The following COMMD5 variants were observed in gnomAD, a reference collection of about 807,000 sequenced individuals.
The protein encoded by COMMD5 is COMM domain containing 5.
Under a neutral mutation model 6.9 loss-of-function variants are expected in COMMD5, and 10 were observed. That is an observed-to-expected ratio of 1.44 (90% confidence interval 0.89 to 2.45). The LOEUF (loss-of-function observed/expected upper bound fraction) is 2.45, where lower values mean the gene tolerates loss of function less well. Among genes scored for constraint, COMMD5 ranks in the 30% most tolerant of loss-of-function variants. The pLI is 0.00. For missense variants in COMMD5, 234 were observed against 287.8 expected (o/e 0.81, Z 1.35); for synonymous variants, 127 against 125.3 (o/e 1.01, Z -0.09).
chr8:144,842,088 C>T, intron 1 of COMMD5: 8 of 1,614,120 alleles, frequency 5.0e-6, no homozygotes, highest in Non-Finnish European at 6.8e-6. Flanking sequence ...ATCAGAGAAT[C>T]CACACAGGAG....
chr8:144,844,726 A>C (rs537154188), intron 1 of COMMD5, among the ~76,000 whole-genome samples: 14 of 60,812 alleles, frequency 2.3e-4, no homozygotes, highest in African/African-American at 5.7e-4. Context: ...AAAAAAAAAA[A>C]AAAAAAAAAA....
At chr8:144,841,801 T>C in intron 1 of COMMD5, 2 of 1,614,106 alleles carry the variant, frequency 1.2e-6, no homozygotes, top group Non-Finnish European at 1.7e-6. Flanking sequence ...CCAAAAAAAG[T>C]TATCTGACTG....
At chr8:144,844,738 G>GAAAAAAAAAAAAAAAAAAA (rs1830413347) in intron 1 of COMMD5, among the ~76,000 whole-genome samples, 1 of 125,096 alleles carries the variant, frequency 8.0e-6, no homozygotes. Context: ...AAAAAAAAAC[G>GAAAAAAAAAAAAAAAAAAA]AAAATGGGAT....
rs529555960 is a variant in COMMD5, at chr8:144,843,412, C to T, written c.*117-1669G>A. On this transcript the variant is annotated intron_variant and NMD_transcript_variant, in intron 1 of 1. Transcript: ENST00000530332. ...AGACCATCCTGGGTAACAGGTGAAACCCCATCTCTACTAAAAATACAAAAA... is the reference window on the plus strand; with the variant it reads ...AGACCATCCTGGGTAACAGGTGAAATCCCATCTCTACTAAAAATACAAAAA... 4 of 386,092 alleles carry T rather than the reference C, an allele frequency of 1.0e-5. No homozygotes were observed. The Admixed American group carries it at 1.3e-4, about 12-fold the overall frequency. 23.9% of individuals were successfully genotyped at this position (386,092 alleles called of 1,614,324 possible).
Position 144,850,841 on chromosome 8 carries a change from A to G in COMMD5, c.498T>C (p.Ser166=). 6.2e-7 allele frequency: 1 copy of G among 1,613,774 alleles called. No homozygotes were observed. The highest frequency in any genetic ancestry group is 8.5e-7 in the Non-Finnish European group (1 of 1,179,996). ...TCGGCTGCAGGGAGCGAGCCAGGGC[A>G]CTGGTGGAGATTGCTACATCCACCC... The part of the protein sequence containing the change: ...RWRVDVAIST[S]ALARSLQPSV... The change falls in exon 2 of 2, where the codon AGT becomes AGC. Residue 166 remains serine, a synonymous_variant. Coordinates refer to ENST00000305103, the MANE Select transcript of COMMD5 (RefSeq NM_014066.4). This position sits in a 1 kb window ranked among gnomAD's most constrained non-coding sequence, Gnocchi z 4.0.
chr8:144,852,667 G>T (rs1830800351), intron 1 of COMMD5, 172 bp downstream of exon 1: 2 of 152,286 alleles, frequency 1.3e-5, no homozygotes, highest in Non-Finnish European at 2.9e-5. Flanking sequence ...GAAGGCCTCC[G>T]AGCTGCCCGC....
downstream of COMMD5, chr8:144,846,347 C>G: frequency 1.5e-6 from 1 of 651,132 alleles, no homozygotes; most frequent in Non-Finnish European, 2.5e-6. Context: ...TTTTACATTT[C>G]TGAATGGTTG....
chr8:144,842,908 A>G (rs777900708), intron 1 of COMMD5: 1 of 1,614,188 alleles, frequency 6.2e-7, no homozygotes, highest in East Asian at 2.2e-5. Context: ...TGAACACCAG[A>G]GAATACACAC....
chr8:144,841,510 C>T (rs1829905719), exon 2 of COMMD5: 1 of 1,614,194 alleles, frequency 6.2e-7, no homozygotes, highest in African/African-American at 1.3e-5. Context: ...GTTAGACAGT[C>T]ATCTGGGCAG....
intron 1 of COMMD5, chr8:144,842,711 GTAT>G: frequency 1.2e-6 from 2 of 1,614,168 alleles, no homozygotes; most frequent in Non-Finnish European, 1.7e-6. Context: ...AAAGCCTTCA[GTAT>G]GAGCACACAG....
exon 2 of COMMD5, chr8:144,841,740 C>T (rs35883359): frequency 0.024 from 38,313 of 1,614,076 alleles, 755 homozygotes; most frequent in Admixed American, 0.088. Context: ...CTTCAGATAT[C>T]GCTCTGCATT....
chr8:144,838,181 C>G, downstream of COMMD5: 1 of 702,140 alleles, frequency 1.4e-6, no homozygotes, highest in Non-Finnish European at 2.6e-6. Flanking sequence ...GACTCCTTCA[C>G]ACGGCTGCCT....
exon 2 of COMMD5, chr8:144,841,302 T>C (rs933498128): frequency 2.0e-6 from 3 of 1,529,572 alleles, no homozygotes; most frequent in African/African-American, 1.4e-5. Flanking sequence ...TGTAGTCTTA[T>C]CATTTCTCTG....
At chr8:144,846,298 C>A, downstream of COMMD5, 1 of 1,043,500 alleles carries the variant, frequency 9.6e-7, no homozygotes, top group Non-Finnish European at 1.4e-6. Context: ...TCTGGATTGA[C>A]ATGGTCCTAA....
chr8:144,846,132 A>G, downstream of COMMD5: 1 of 1,536,350 alleles, frequency 6.5e-7, no homozygotes, highest in Non-Finnish European at 8.7e-7. Context: ...TTCCTGGTTC[A>G]TGATCAGGAC....
chr8:144,844,224 C>G (rs1036907085), intron 1 of COMMD5, among the ~76,000 whole-genome samples: 7 of 152,136 alleles, frequency 4.6e-5, no homozygotes, highest in African/African-American at 1.7e-4. Flanking sequence ...GAGAAACATG[C>G]CTTACTGGGC....
At position 144,850,199 on chromosome 8, in the gene COMMD5, T is replaced by A. The variant is rs918743481; in HGVS notation, c.*465A>T. ...TATTCCAGTTAATTTTTATGATTTA[T>A]TTTACAATGTTTCCCCTCCCCTCAG... On this transcript the variant is annotated 3_prime_UTR_variant, in exon 2 of 2. Transcript: ENST00000305103. This position sits in a 1 kb window ranked among gnomAD's most constrained non-coding sequence, Gnocchi z 4.0. 6 of 156,734 alleles carry A rather than the reference T, an allele frequency of 3.8e-5. No individual in the cohort carries two copies. The highest frequency in any genetic ancestry group is 8.5e-5 in the Non-Finnish European group (6 of 70,810). 9.7% of individuals were successfully genotyped at this position (156,734 alleles called of 1,614,324 possible). A position where few individuals can be genotyped will look rare whatever the true frequency, so the allele number is the denominator to read the frequency against.
chr8:144,842,181 G>C, intron 1 of COMMD5: 1 of 1,613,668 alleles, frequency 6.2e-7, no homozygotes, highest in Non-Finnish European at 8.5e-7. Context: ...CTCACACTGG[G>C]GAGAGGCCCT....
rs1830693341 is a variant in COMMD5 at position 144,850,684 on chromosome 8, C to CA, written c.654dup (p.Glu219Ter). The stretch of plus-strand genomic sequence containing the variant: ...AGGGGTCAGTCCTGCAGTCTGCGCT[C>CA]ACACCTCTTCTCCAGATCTGCCATC... On this transcript the variant is annotated frameshift_variant, in exon 2 of 2. Transcript: ENST00000305103. LOFTEE classifies it high-confidence loss of function. This position sits in a 1 kb window ranked among gnomAD's most constrained non-coding sequence, Gnocchi z 4.0. The CA allele has an allele frequency of 6.2e-7, 1 of 1,613,560 alleles. No homozygotes were observed. The highest frequency in any genetic ancestry group is 1.7e-5 in the Admixed American group (1 of 60,010).
Sources: gnomAD v4.1 joint callset for allele counts (sites outside exome capture counted in the v4.1 genomes callset) on GRCh38, gnomAD v4.1.1 for gene constraint, Gnocchi (gnomAD v3.1) non-coding constraint, MANE v1.5 for transcripts, NCBI Gene and HGNC (gene_info 2026-07-23, HGNC 2026-07-21) for gene names.